MGAT4C: variants seen among roughly 807,000 people sequenced by gnomAD.
MGAT4C encodes alpha-1,3-mannosyl-glycoprotein 4-beta-N-acetylglucosaminyltransferase C.
MGAT4C carries 19 observed loss-of-function variants against 40.1 expected under a neutral mutation model. The ratio of observed to expected loss-of-function variants is 0.47; its 90% CI spans 0.33 to 0.70. The LOEUF (loss-of-function observed/expected upper bound fraction) is 0.70. Ranked by LOEUF, MGAT4C falls within the 30% of genes least tolerant of loss-of-function variation. The probability of loss-of-function intolerance (pLI) is 0.02; values close to 1 mark genes in which losing one functional copy is unlikely to be tolerated. For synonymous variants in MGAT4C, 181 were observed against 187.1 expected, an observed-to-expected ratio of 0.97 and a Z score of 0.27; for missense variants, 491 against 563.2, an observed-to-expected ratio of 0.87 and a Z score of 1.30.
intron 2 of MGAT4C, among the ~76,000 whole-genome samples, chr12:86,468,607 GC>G (rs1957715410): frequency 1.3e-5 from 2 of 151,748 alleles, no homozygotes; most frequent in African/African-American, 4.8e-5. Context: ...AAAGTCTAAA[GC>G]TTTTAAATAG....
chr12:86,000,335 C>A (rs1335997112), intron 2 of MGAT4C, among the ~76,000 whole-genome samples: 1 of 151,948 alleles, frequency 6.6e-6, no homozygotes, highest in Non-Finnish European at 1.5e-5. Context: ...ATTCCTCTAG[C>A]CATACTGATC....
intron 4 of MGAT4C, among the ~76,000 whole-genome samples, chr12:86,272,524 A>T (rs1039474663): frequency 3.3e-5 from 5 of 152,038 alleles, no homozygotes; most frequent in African/African-American, 1.2e-4. Flanking sequence ...TTTTCTAAAC[A>T]ATCCTCAACT....
At chr12:86,236,247 A>C (rs1408625285) in intron 1 of MGAT4C, among the ~76,000 whole-genome samples, 1 of 152,058 alleles carries the variant, frequency 6.6e-6, no homozygotes, top group Non-Finnish European at 1.5e-5. Flanking sequence ...TCTGTACAAA[A>C]CTATCAGAGG....
intron 1 of MGAT4C, among the ~76,000 whole-genome samples, chr12:86,142,754 G>T (rs1883016897): frequency 6.6e-6 from 1 of 151,440 alleles, no homozygotes; most frequent in Non-Finnish European, 1.5e-5. Context: ...GGTTGTCGAG[G>T]CTTCAGTTGG....
intron 2 of MGAT4C, among the ~76,000 whole-genome samples, chr12:86,492,706 C>T (rs1958162153): frequency 6.6e-6 from 1 of 152,080 alleles, no homozygotes; most frequent in Non-Finnish European, 1.5e-5. Context: ...AGAAGAAAAC[C>T]TAGGCATTAC....
At chr12:86,107,174 G>C (rs948985746) in intron 1 of MGAT4C, among the ~76,000 whole-genome samples, 1 of 152,174 alleles carries the variant, frequency 6.6e-6, no homozygotes, top group African/African-American at 2.4e-5. Context: ...AATCTAGCTC[G>C]CATCTTCAGG....
At chr12:86,631,971 C>G (rs1385953555) in intron 2 of MGAT4C, among the ~76,000 whole-genome samples, 2 of 152,032 alleles carry the variant, frequency 1.3e-5, no homozygotes, top group Non-Finnish European at 2.9e-5. Context: ...AACAGGCAAC[C>G]TACAGAATGG....
intron 4 of MGAT4C, among the ~76,000 whole-genome samples, chr12:86,298,379 T>C (rs6538031): frequency 0.65 from 99,238 of 152,042 alleles, 33,185 homozygotes; most frequent in South Asian, 0.78. Flanking sequence ...TGGCAACTTG[T>C]ATATAGCATT....
intron 1 of MGAT4C, among the ~76,000 whole-genome samples, chr12:86,199,439 T>C (rs1443626135): frequency 2.0e-5 from 3 of 152,154 alleles, no homozygotes; most frequent in East Asian, 1.9e-4. Flanking sequence ...GCTCAGTCCA[T>C]TGTATTTTTT....
At chr12:86,827,635 T>A (rs745350012) in intron 1 of MGAT4C, among the ~76,000 whole-genome samples, 2 of 151,384 alleles carry the variant, frequency 1.3e-5, no homozygotes, top group African/African-American at 2.4e-5. Context: ...AAAAATGCCT[T>A]GGAAAGACAT....
At chr12:86,691,053 G>A (rs1471170755) in intron 2 of MGAT4C, among the ~76,000 whole-genome samples, 1 of 152,118 alleles carries the variant, frequency 6.6e-6, no homozygotes, top group Non-Finnish European at 1.5e-5. Context: ...TGGCACGATA[G>A]TTTACTCAGT....
In MGAT4C at chr12:86,205,807, T is replaced by C. The variant is rs181898896; in HGVS notation, c.-57+50432A>G. Among the ~76,000 whole-genome samples the C allele has an allele frequency of 1.1e-4, 16 of 152,220 alleles. No individual in the cohort carries two copies. The East Asian group carries it at 2.3e-3, about 22-fold the overall frequency. On this transcript the variant is annotated intron_variant, in intron 1 of 4. Transcript: ENST00000611864. ...CATAAGAATCAGGAAATTATTTACT[T>C]TGACCTAAATTAATTTGAAACTCCC...
intron 2 of MGAT4C, among the ~76,000 whole-genome samples, chr12:86,464,442 G>A (rs766397645): frequency 1.3e-5 from 2 of 152,180 alleles, no homozygotes; most frequent in East Asian, 1.9e-4. Flanking sequence ...TCATTAAAAC[G>A]TGCACACCTG....
At chr12:86,564,116 T>G (rs370584778) in intron 2 of MGAT4C, among the ~76,000 whole-genome samples, 1 of 152,122 alleles carries the variant, frequency 6.6e-6, no homozygotes, top group Middle Eastern at 3.2e-3. Flanking sequence ...TCCCGCCATA[T>G]CCCCATTCAA....
chr12:86,019,395 C>T (rs1020537038), intron 2 of MGAT4C, among the ~76,000 whole-genome samples: 6 of 152,008 alleles, frequency 3.9e-5, no homozygotes, highest in Admixed American at 2.0e-4. Context: ...AATGGCAATT[C>T]GGTTTAAACA....
At chr12:86,108,480 A>G (rs1269549310) in intron 1 of MGAT4C, among the ~76,000 whole-genome samples, 1 of 152,106 alleles carries the variant, frequency 6.6e-6, no homozygotes, top group Non-Finnish European at 1.5e-5. Flanking sequence ...TAAAATGATT[A>G]CAACTCACTC....
intron 3 of MGAT4C, among the ~76,000 whole-genome samples, chr12:86,399,750 C>T (rs947383695): frequency 1.3e-5 from 2 of 152,160 alleles, no homozygotes; most frequent in Non-Finnish European, 1.5e-5. Context: ...GAGAGTGTTG[C>T]ACCCCAACTC....
intron 2 of MGAT4C, among the ~76,000 whole-genome samples, chr12:86,527,869 A>G (rs1394033058): frequency 3.3e-5 from 5 of 152,184 alleles, no homozygotes; most frequent in African/African-American, 1.2e-4. Context: ...CATATGTGGT[A>G]GCTAAAAAGT....
chr12:86,175,802 A>G (rs1397871971), intron 1 of MGAT4C, among the ~76,000 whole-genome samples: 1 of 149,428 alleles, frequency 6.7e-6, no homozygotes, highest in Non-Finnish European at 1.5e-5. Context: ...ATACAAAAAA[A>G]AAAAAAAAAA....
Sources: gnomAD v4.1 joint callset for allele counts (sites outside exome capture counted in the v4.1 genomes callset) on GRCh38, gnomAD v4.1.1 for gene constraint, MANE v1.5 for transcripts, NCBI Gene and HGNC (gene_info 2026-07-23, HGNC 2026-07-21) for gene names.